The following FAM135A variants were observed in gnomAD, a reference collection of about 807,000 sequenced individuals.
The protein encoded by FAM135A is protein FAM135A.
Under a neutral mutation model 146.8 loss-of-function variants are expected in FAM135A, and 79 were observed. The observed-to-expected ratio is 0.54, with a 90% confidence interval of 0.45 to 0.65. FAM135A has a LOEUF of 0.65. Ranked by LOEUF, FAM135A falls within the 30% of genes least tolerant of loss-of-function variation. FAM135A has a pLI of 0.00. For missense variants in FAM135A, 1,623 were observed against 1,758.2 expected (o/e 0.92, Z 1.38); for synonymous variants, 562 against 603.6 (o/e 0.93, Z 1.01).
chr6:70,477,779 G>A (rs1396278126), intron 8 of FAM135A, among the ~76,000 whole-genome samples: 1 of 152,040 alleles, frequency 6.6e-6, no homozygotes, highest in East Asian at 1.9e-4. Context: ...TATTTTTATA[G>A]TGAAAACGTG....
intron 4 of FAM135A, 149 bp from the exon 5 acceptor site, chr6:70,452,342 AT>A (rs958322940): frequency 2.3e-3 from 1,300 of 561,642 alleles, no homozygotes; most frequent in Middle Eastern, 5.8e-3. Context: ...TGTAAGCCTG[AT>A]TTTTTTTTTC....
At chr6:70,461,977 C>G (rs2128100905) in intron 5 of FAM135A, among the ~76,000 whole-genome samples, 1 of 152,264 alleles carries the variant, frequency 6.6e-6, no homozygotes, top group South Asian at 2.1e-4. Flanking sequence ...TTCCCTGTGT[C>G]TTGCCCTCCC....
intron 5 of FAM135A, among the ~76,000 whole-genome samples, chr6:70,465,375 G>T (rs73476897): frequency 0.046 from 7,034 of 152,040 alleles, 362 homozygotes; most frequent in African/African-American, 0.11. Context: ...AGTTCTTCTG[G>T]ATAAATACCT....
At chr6:70,550,974 G>T (rs1582906732) in intron 20 of FAM135A, among the ~76,000 whole-genome samples, 1 of 152,080 alleles carries the variant, frequency 6.6e-6, no homozygotes, top group African/African-American at 2.4e-5. Context: ...ACTTCTGCTG[G>T]CTTCCAGCTG....
chr6:70,442,235 A>C (rs1582129564), intron 4 of FAM135A, among the ~76,000 whole-genome samples: 1 of 134,272 alleles, frequency 7.4e-6, no homozygotes. Context: ...AAATTTCTTC[A>C]TGGGTTTTTT....
intron 2 of FAM135A, among the ~76,000 whole-genome samples, chr6:70,424,642 T>C (rs1452460903): frequency 1.3e-5 from 2 of 152,228 alleles, no homozygotes; most frequent in Admixed American, 1.3e-4. Context: ...AAACCTGACA[T>C]GGGGTATTGG....
At chr6:70,434,864 A>G (rs114802179) in intron 4 of FAM135A, among the ~76,000 whole-genome samples, 421 of 152,230 alleles carry the variant, frequency 2.8e-3, no homozygotes, top group African/African-American at 9.4e-3. Flanking sequence ...TGTTGGAGTC[A>G]GAAGTTGAAA....
At chr6:70,446,145 T>G (rs548358871) in intron 4 of FAM135A, among the ~76,000 whole-genome samples, 1 of 152,238 alleles carries the variant, frequency 6.6e-6, no homozygotes, top group Non-Finnish European at 1.5e-5. Context: ...TTTGTTCTTT[T>G]AATTTTGCAA....
chr6:70,548,509 C>G (rs1039817276), intron 20 of FAM135A, among the ~76,000 whole-genome samples: 6 of 152,122 alleles, frequency 3.9e-5, no homozygotes, highest in African/African-American at 1.4e-4. Context: ...TTGCCTGCTT[C>G]CACTGAGCTG....
At chr6:70,445,809 A>G (rs2127988428) in intron 4 of FAM135A, among the ~76,000 whole-genome samples, 1 of 152,108 alleles carries the variant, frequency 6.6e-6, no homozygotes, top group South Asian at 2.1e-4. Flanking sequence ...GATTTTGTTT[A>G]TGGCCAGTTT....
At chr6:70,534,287 C>G (rs1278156634) in intron 18 of FAM135A, among the ~76,000 whole-genome samples, 1 of 118,398 alleles carries the variant, frequency 8.4e-6, no homozygotes, top group African/African-American at 3.4e-5. Context: ...TATGAAGCAA[C>G]AAAAATACTT....
At chr6:70,446,473 T>C (rs1037501531) in intron 4 of FAM135A, among the ~76,000 whole-genome samples, 1 of 152,186 alleles carries the variant, frequency 6.6e-6, no homozygotes, top group Non-Finnish European at 1.5e-5. Flanking sequence ...AATGATTCCA[T>C]AGGAATCATT....
chr6:70,512,809 T>A (rs1791327731), intron 12 of FAM135A, among the ~76,000 whole-genome samples: 1 of 151,868 alleles, frequency 6.6e-6, no homozygotes, highest in African/African-American at 2.4e-5. Context: ...AATTTATCTT[T>A]TTTTCTTTTA....
chr6:70,417,306 C>T (rs1010396089), intron 2 of FAM135A, among the ~76,000 whole-genome samples: 24 of 151,422 alleles, frequency 1.6e-4, no homozygotes, highest in Admixed American at 6.6e-4. Context: ...CTCTACCTCC[C>T]GGATTCAAGC....
At chr6:70,473,939 G>A (rs1274486168) in intron 5 of FAM135A, among the ~76,000 whole-genome samples, 1 of 152,124 alleles carries the variant, frequency 6.6e-6, no homozygotes, top group Non-Finnish European at 1.5e-5. Context: ...CCAGCCTGAG[G>A]TGCCTTCCCT....
At position 70,498,748 on chromosome 6, in the gene FAM135A, A is replaced by C. The variant is rs145255269; in HGVS notation, c.874-3888A>C. Among the ~76,000 whole-genome samples the C allele has an allele frequency of 4.8e-3, 727 of 152,310 alleles. 8 individuals carry two copies. The highest frequency in any genetic ancestry group is 0.027 in the Admixed American group (412 of 15,302). ...TTCGTTGTTTACCCAGTAGTTATTCAGGAGCAGGTTGTTCAGTTTCCACGT... is the reference window on the plus strand; with the variant it reads ...TTCGTTGTTTACCCAGTAGTTATTCCGGAGCAGGTTGTTCAGTTTCCACGT... On this transcript the variant is annotated intron_variant, in intron 11 of 21. Transcript: ENST00000418814.
intron 11 of FAM135A, among the ~76,000 whole-genome samples, chr6:70,492,782 A>AT (rs965009082): frequency 1.8e-4 from 27 of 151,686 alleles, no homozygotes; most frequent in East Asian, 5.8e-4. Context: ...CTAATAGGTT[A>AT]TTTTTTTTGC....
chr6:70,518,127 T>C (rs1792721223), intron 12 of FAM135A, among the ~76,000 whole-genome samples: 1 of 152,148 alleles, frequency 6.6e-6, no homozygotes, highest in Non-Finnish European at 1.5e-5. Context: ...GGAAAAGTTA[T>C]TGAAGGAAAT....
At chr6:70,473,828 C>G (rs1239671239) in intron 5 of FAM135A, among the ~76,000 whole-genome samples, 1 of 152,134 alleles carries the variant, frequency 6.6e-6, no homozygotes, top group Non-Finnish European at 1.5e-5. Flanking sequence ...GACTCCCACC[C>G]CCATATGAAG....
Sources: gnomAD v4.1 joint callset for allele counts (sites outside exome capture counted in the v4.1 genomes callset) on GRCh38, gnomAD v4.1.1 for gene constraint, MANE v1.5 for transcripts, NCBI Gene and HGNC (gene_info 2026-07-23, HGNC 2026-07-21) for gene names.